GRIK1: variants seen among roughly 807,000 people sequenced by gnomAD.
GRIK1 encodes the protein glutamate ionotropic receptor kainate type subunit 1.
A neutral mutation model predicts 105.7 loss-of-function variants in GRIK1; 69 were observed. That is an observed-to-expected ratio of 0.65 (90% CI 0.54 to 0.80). GRIK1 has a LOEUF of 0.80. Among genes scored for constraint, GRIK1 ranks in the 30% least tolerant of loss-of-function variants. The pLI is 0.00. For missense variants in GRIK1, 1,109 were observed against 1,167.3 expected, an observed-to-expected ratio of 0.95 and a Z score of 0.73; for synonymous variants, 438 against 431.3, an observed-to-expected ratio of 1.02 and a Z score of -0.19.
intron 1 of GRIK1, among the ~76,000 whole-genome samples, chr21:29,779,494 G>GGTGTGTGT (rs3054349): frequency 2.7e-5 from 4 of 148,114 alleles, no homozygotes; most frequent in South Asian, 4.3e-4. Context: ...GCCCTTTTAT[G>GGTGTGTGT]GTGTGTGTGT....
At chr21:29,879,211 A>G (rs1265133605) in intron 1 of GRIK1, among the ~76,000 whole-genome samples, 1 of 152,146 alleles carries the variant, frequency 6.6e-6, no homozygotes, top group Non-Finnish European at 1.5e-5. Flanking sequence ...TTGAAACAAT[A>G]GCGGGGAAGC....
intron 1 of GRIK1, among the ~76,000 whole-genome samples, chr21:29,926,004 A>T (rs564954037): frequency 6.6e-6 from 1 of 152,270 alleles, no homozygotes; most frequent in Non-Finnish European, 1.5e-5. Context: ...GTAAATGCTA[A>T]CTTTATTTTT....
chr21:29,887,791 G>C (rs2069690598), intron 1 of GRIK1, among the ~76,000 whole-genome samples: 1 of 152,022 alleles, frequency 6.6e-6, no homozygotes, highest in African/African-American at 2.4e-5. Context: ...TTCACAGCAG[G>C]AGAAGGGGAA....
At chr21:29,840,300 A>G (rs1353943013) in intron 1 of GRIK1, among the ~76,000 whole-genome samples, 1 of 152,208 alleles carries the variant, frequency 6.6e-6, no homozygotes, top group Non-Finnish European at 1.5e-5. Context: ...TGAAGTCTCA[A>G]AGTGTTCAGG....
At chr21:29,702,791 C>T (rs2063837283) in intron 1 of GRIK1, among the ~76,000 whole-genome samples, 1 of 152,110 alleles carries the variant, frequency 6.6e-6, no homozygotes, top group South Asian at 2.1e-4. Context: ...CTGAAGCCAC[C>T]AGAAGCTGGA....
chr21:29,658,332 G>A (rs904769729), intron 4 of GRIK1, among the ~76,000 whole-genome samples: 5 of 151,944 alleles, frequency 3.3e-5, no homozygotes, highest in Admixed American at 1.3e-4. Flanking sequence ...GTACAATCTC[G>A]GCTCCCTGCA....
intron 1 of GRIK1, among the ~76,000 whole-genome samples, chr21:29,791,441 A>T (rs1324474020): frequency 6.6e-6 from 1 of 151,976 alleles, no homozygotes; most frequent in Non-Finnish European, 1.5e-5. Context: ...TCCAGCAAGG[A>T]CCCTTTGGAT....
Position 29,681,400 on chromosome 21 carries a change from C to T in GRIK1, c.545-8236G>A, listed in dbSNP as rs558269885. 9.5e-4 allele frequency among the ~76,000 whole-genome samples: 145 copies of T among 152,308 alleles called. 1 individual carries two copies. Among genetic ancestry groups the T allele is most frequent in the African/African-American group, 3.4e-3 (142 of 41,550 alleles). ...TCTGACCGTCTCTTCTATCTCCCCT[C>T]CCCTCTTACTCTGATCCATCCACCC... On this transcript the variant is annotated intron_variant, in intron 3 of 17. Coordinates refer to ENST00000327783, the MANE Select transcript of GRIK1 (RefSeq NM_001330994.2).
intron 7 of GRIK1, among the ~76,000 whole-genome samples, chr21:29,617,476 A>T (rs2061880197): frequency 6.6e-6 from 1 of 152,190 alleles, no homozygotes; most frequent in African/African-American, 2.4e-5. Flanking sequence ...AAAAGTTAAT[A>T]AAGTGATGCT....
At chr21:29,924,198 C>T (rs140441492) in intron 1 of GRIK1, among the ~76,000 whole-genome samples, 3,404 of 151,676 alleles carry the variant, frequency 0.022, 144 homozygotes, top group African/African-American at 0.078. Flanking sequence ...ATTAGCCAGG[C>T]GTGGTGGCGG....
intron 1 of GRIK1, among the ~76,000 whole-genome samples, chr21:29,763,322 G>A (rs1468454788): frequency 6.6e-6 from 1 of 152,100 alleles, no homozygotes; most frequent in East Asian, 1.9e-4. Context: ...GTTTCCTGAG[G>A]CTTCCCCAGC....
chr21:29,549,022 G>C (rs2090088493), intron 16 of GRIK1, among the ~76,000 whole-genome samples: 1 of 152,094 alleles, frequency 6.6e-6, no homozygotes, highest in Non-Finnish European at 1.5e-5. Context: ...CATTTGTTCA[G>C]TCTTTGTTTG....
At chr21:29,931,040 A>T (rs2146357958) in intron 1 of GRIK1, among the ~76,000 whole-genome samples, 2 of 152,328 alleles carry the variant, frequency 1.3e-5, no homozygotes, top group South Asian at 4.1e-4. Context: ...AAAAACTGAG[A>T]ATACAGTACC....
chr21:29,763,381 C>A (rs376350344), intron 1 of GRIK1, among the ~76,000 whole-genome samples: 1 of 172 alleles, frequency 5.8e-3, no homozygotes. Context: ...TAAATTACCC[C>A]ATTCAGGCAT....
chr21:29,803,542 T>G lies in GRIK1; in HGVS notation c.119-109479A>C, dbSNP rs569051027. On this transcript the variant is annotated intron_variant, in intron 1 of 17. Coordinates refer to ENST00000327783, the MANE Select transcript of GRIK1 (RefSeq NM_001330994.2). ...GGGCTCTGAACTTCAAAGACAATTTTGGGTATAAGCTGGTGAGAGAAACCC... is the reference window on the plus strand; with the variant it reads ...GGGCTCTGAACTTCAAAGACAATTTGGGGTATAAGCTGGTGAGAGAAACCC... Among the ~76,000 whole-genome samples the G allele has an allele frequency of 1.1e-4, 17 of 152,192 alleles. No individual in the cohort carries two copies. The South Asian group carries it at 3.5e-3, about 32-fold the overall frequency.
chr21:29,644,029 C>T (rs980663354), intron 6 of GRIK1, among the ~76,000 whole-genome samples: 1 of 152,020 alleles, frequency 6.6e-6, no homozygotes, highest in African/African-American at 2.4e-5. Context: ...GGATTATATA[C>T]ATAGCTAATC....
At chr21:29,836,668 CATAT>C in intron 1 of GRIK1, among the ~76,000 whole-genome samples, 1 of 150,946 alleles carries the variant, frequency 6.6e-6, no homozygotes, top group Middle Eastern at 3.5e-3. Context: ...TGTAATGTTG[CATAT>C]ATATATATAT....
chr21:29,849,119 T>C (rs1569157411), intron 1 of GRIK1, among the ~76,000 whole-genome samples: 2 of 144,690 alleles, frequency 1.4e-5, no homozygotes, highest in Non-Finnish European at 3.0e-5. Flanking sequence ...ATATTGTTTA[T>C]ACTTTTTCTT....
Position 29,782,896 on chromosome 21 carries a change from C to G in GRIK1, c.119-88833G>C, listed in dbSNP as rs554157783. Among the ~76,000 whole-genome samples, 5 of 152,298 alleles carry G rather than the reference C, an allele frequency of 3.3e-5. No individual in the cohort carries two copies. In the South Asian group the frequency reaches 1.0e-3, roughly 32 times the overall value. ...CAATGCTGCAATGAACATCCCTACT[C>G]ATGAACATTTGTATTCACTTGATCA... On this transcript the variant is annotated intron_variant, in intron 1 of 17. Coordinates refer to ENST00000327783, the MANE Select transcript of GRIK1 (RefSeq NM_001330994.2).
Sources: gnomAD v4.1 joint callset for allele counts (sites outside exome capture counted in the v4.1 genomes callset) on GRCh38, gnomAD v4.1.1 for gene constraint, MANE v1.5 for transcripts, NCBI Gene and HGNC (gene_info 2026-07-23, HGNC 2026-07-21) for gene names.